The following CMSS1 variants were observed in gnomAD, a reference collection of about 807,000 sequenced individuals.
CMSS1 encodes the protein protein CMSS1.
A neutral mutation model predicts 43.5 loss-of-function variants in CMSS1; 33 were observed. The observed-to-expected ratio is 0.76, with a 90% CI of 0.57 to 1.01. CMSS1 has a LOEUF of 1.01. Among genes scored for constraint, CMSS1 ranks in the 50% least tolerant of loss-of-function variants. The pLI, the probability that CMSS1 is intolerant of heterozygous loss-of-function variation, is 0.00. For missense variants in CMSS1, 313 were observed against 326.4 expected (o/e 0.96, Z 0.32); for synonymous variants, 115 against 117.2 (o/e 0.98, Z 0.12).
chr3:99,873,050 C>T (rs995996045), intron 1 of CMSS1, among the ~76,000 whole-genome samples: 1 of 151,868 alleles, frequency 6.6e-6, no homozygotes, highest in Non-Finnish European at 1.5e-5. Context: ...AGAAAATGAC[C>T]AGCCATAGGA....
At chr3:99,850,106 GAGA>G (rs754959682) in intron 1 of CMSS1, 3 of 1,613,018 alleles carry the variant, frequency 1.9e-6, no homozygotes, top group African/African-American at 1.3e-5. Flanking sequence ...ACTTGAAGCT[GAGA>G]AGAAGCAGCT....
At chr3:99,934,309 C>A (rs1303515526) in intron 1 of CMSS1, among the ~76,000 whole-genome samples, 1 of 152,204 alleles carries the variant, frequency 6.6e-6, no homozygotes, top group African/African-American at 2.4e-5. Context: ...AAAAAGTTCA[C>A]CACACCCACA....
intron 1 of CMSS1, among the ~76,000 whole-genome samples, chr3:99,868,598 A>C (rs944792724): frequency 1.3e-5 from 2 of 152,250 alleles, no homozygotes; most frequent in African/African-American, 2.4e-5. Context: ...TCCTTTCTGC[A>C]TAAGTCCAGG....
At chr3:100,066,813 G>A (rs2065673621) in intron 1 of CMSS1, among the ~76,000 whole-genome samples, 1 of 152,020 alleles carries the variant, frequency 6.6e-6, no homozygotes, top group African/African-American at 2.4e-5. Context: ...TTACAGGCGT[G>A]GCTTTGCTTC....
intron 1 of CMSS1, among the ~76,000 whole-genome samples, chr3:99,954,907 C>T (rs1334166527): frequency 6.6e-6 from 1 of 152,034 alleles, no homozygotes; most frequent in Non-Finnish European, 1.5e-5. Flanking sequence ...TGCTAAGCAC[C>T]ACGTCTGGCA....
chr3:99,850,303 A>C (rs753491522), intron 1 of CMSS1: 3 of 1,613,818 alleles, frequency 1.9e-6, no homozygotes, highest in Admixed American at 3.3e-5. Context: ...TTCTTGAGAC[A>C]ACTGCTTTGT....
rs373790378 is a variant in CMSS1 at position 99,962,868 on chromosome 3, G to A, written c.64+144825G>A. On this transcript the variant is annotated intron_variant, in intron 1 of 9. Coordinates refer to ENST00000421999, the MANE Select transcript of CMSS1 (RefSeq NM_032359.4). The stretch of plus-strand genomic sequence containing the variant: ...ACTCTGAGGGTGCCTTAAGACAATG[G>A]CTGTAGCCTGCTGTTTATGGTCACA... Among the ~76,000 whole-genome samples the A allele has an allele frequency of 1.7e-4, 26 of 152,318 alleles. 1 individual carries two copies. In the East Asian group the frequency reaches 2.1e-3, roughly 12 times the overall value.
At chr3:100,139,529 A>ATGTGTGTGTGTGTGTGTGTG (rs201315535) in intron 1 of CMSS1, among the ~76,000 whole-genome samples, 1 of 129,296 alleles carries the variant, frequency 7.7e-6, no homozygotes, top group African/African-American at 3.0e-5. Context: ...TAAAAAAAAA[A>ATGTGTGTGTGTGTGTGTGTG]TGTGTGTGTG....
intron 1 of CMSS1, chr3:99,848,524 C>T: frequency 6.2e-7 from 1 of 1,614,194 alleles, no homozygotes; most frequent in African/African-American, 1.3e-5. Context: ...CACACTTGAG[C>T]TATTGCTGTT....
chr3:100,103,246 G>A (rs985024038), intron 1 of CMSS1, among the ~76,000 whole-genome samples: 16 of 152,214 alleles, frequency 1.1e-4, no homozygotes, highest in African/African-American at 3.9e-4. Flanking sequence ...GGAGAAGGCA[G>A]CAGCTCACAG....
chr3:100,007,264 T>C (rs1340458926), intron 1 of CMSS1, among the ~76,000 whole-genome samples: 2 of 152,222 alleles, frequency 1.3e-5, no homozygotes, highest in Non-Finnish European at 2.9e-5. Context: ...ATACTCTTTT[T>C]AGCTTTTATT....
chr3:100,039,804 A>T (rs1280271264), intron 1 of CMSS1: 1 of 146,802 alleles, frequency 6.8e-6, no homozygotes, highest in African/African-American at 2.5e-5. Flanking sequence ...CCCAGGCTGG[A>T]GTGCAGTGGC....
In CMSS1 at chr3:100,152,675, G is replaced by A. The variant is rs530408530; in HGVS notation, c.153+5614G>A. Among the ~76,000 whole-genome samples the A allele has an allele frequency of 1.1e-4, 16 of 152,224 alleles. 1 individual carries two copies. The South Asian group carries it at 3.1e-3, about 30-fold the overall frequency. On this transcript the variant is annotated intron_variant, in intron 2 of 9. Coordinates refer to ENST00000421999, the MANE Select transcript of CMSS1 (RefSeq NM_032359.4). ...CTCTCAATTCAACGCCTTCCTGTAA[G>A]ACCCAAGAAGAAATCAGGTGTCACC...
chr3:99,987,667 T>C (rs1423390619), intron 1 of CMSS1, among the ~76,000 whole-genome samples: 1 of 152,234 alleles, frequency 6.6e-6, no homozygotes, highest in African/African-American at 2.4e-5. Flanking sequence ...AATTCTGTTA[T>C]TAACATGACC....
intron 1 of CMSS1, among the ~76,000 whole-genome samples, chr3:99,847,120 A>C (rs1274399993): frequency 6.6e-6 from 1 of 152,156 alleles, no homozygotes; most frequent in Non-Finnish European, 1.5e-5. Context: ...TACTTCTTTC[A>C]ACTAACATAC....
chr3:100,110,851 G>A (rs115309751), intron 1 of CMSS1, among the ~76,000 whole-genome samples: 1,637 of 152,244 alleles, frequency 0.011, 33 homozygotes, highest in African/African-American at 0.037. Flanking sequence ...GTAGAAAATT[G>A]TCTGATCTGA....
chr3:100,055,096 G>T (rs1245201431), intron 1 of CMSS1, among the ~76,000 whole-genome samples: 2 of 152,116 alleles, frequency 1.3e-5, no homozygotes, highest in Non-Finnish European at 1.5e-5. Flanking sequence ...TCCTGCCTCA[G>T]ACTCTTACCA....
chr3:100,173,583 T>C (rs1222615770), intron 8 of CMSS1, among the ~76,000 whole-genome samples: 1 of 152,216 alleles, frequency 6.6e-6, no homozygotes, highest in Non-Finnish European at 1.5e-5. Flanking sequence ...TTCTAAGTCC[T>C]ACAAGAGTTG....
At chr3:99,840,677 T>C (rs1325232250) in intron 1 of CMSS1, among the ~76,000 whole-genome samples, 1 of 152,164 alleles carries the variant, frequency 6.6e-6, no homozygotes, top group Non-Finnish European at 1.5e-5. Flanking sequence ...TTTTAAATGA[T>C]TTAAGGAGGG....
Sources: allele counts gnomAD v4.1 joint callset (sites outside exome capture counted in the v4.1 genomes callset), GRCh38; gene constraint gnomAD v4.1.1; transcripts MANE v1.5; gene names NCBI Gene and HGNC (gene_info 2026-07-23, HGNC 2026-07-21).